GNG12: variants seen among roughly 807,000 people sequenced by gnomAD.
GNG12 encodes guanine nucleotide-binding protein G(I)/G(S)/G(O) subunit gamma-12.
For synonymous variants in GNG12, 28 were observed against 29.7 expected (o/e 0.94, Z 0.19); for missense variants, 69 against 83.8 (o/e 0.82, Z 0.69).
chr1:67,788,710 C>T (rs553669083), intron 1 of GNG12, among the ~76,000 whole-genome samples: 1 of 152,308 alleles, frequency 6.6e-6, no homozygotes, highest in East Asian at 1.9e-4. Context: ...GAGTAGTATA[C>T]ACATTTTCAT....
In GNG12 at chr1:67,816,703, G is replaced by A. The variant is rs546899868; in HGVS notation, c.-77+16641C>T. Among the ~76,000 whole-genome samples, 142 of 152,270 alleles carry A rather than the reference G, an allele frequency of 9.3e-4. 1 individual carries two copies. The highest frequency in any genetic ancestry group is 1.9e-3 in the African/African-American group (80 of 41,548). ...GGCTCTCTCCAGGACTGACTCCTGCGTACTCAGCCGTCCTCCCAGGACAGG... is the reference window on the plus strand; with the variant it reads ...GGCTCTCTCCAGGACTGACTCCTGCATACTCAGCCGTCCTCCCAGGACAGG... On this transcript the variant is annotated intron_variant, in intron 1 of 3. Transcript: ENST00000370982.
intron 2 of GNG12, among the ~76,000 whole-genome samples, chr1:67,738,713 C>CA (rs1460116654): frequency 5.9e-5 from 9 of 152,174 alleles, no homozygotes; most frequent in Admixed American, 3.9e-4. Flanking sequence ...CCTGTCACTA[C>CA]AAAAAATTGA....
At chr1:67,790,672 C>T (rs1270601772) in intron 1 of GNG12, among the ~76,000 whole-genome samples, 1 of 149,852 alleles carries the variant, frequency 6.7e-6, no homozygotes, top group Non-Finnish European at 1.5e-5. Flanking sequence ...TGCAGTGGCA[C>T]TATCTCGGCT....
At chr1:67,793,480 A>G (rs1646812755) in intron 1 of GNG12, among the ~76,000 whole-genome samples, 1 of 152,226 alleles carries the variant, frequency 6.6e-6, no homozygotes, top group African/African-American at 2.4e-5. Flanking sequence ...CCAAAAGAAG[A>G]AAACGGTAGA....
intron 2 of GNG12, among the ~76,000 whole-genome samples, chr1:67,760,272 A>G (rs1342814575): frequency 6.6e-6 from 1 of 152,198 alleles, no homozygotes; most frequent in African/African-American, 2.4e-5. Flanking sequence ...AATCCTGGGC[A>G]ACTCCCTGAG....
At chr1:67,752,431 T>C (rs960815524) in intron 2 of GNG12, among the ~76,000 whole-genome samples, 8 of 152,322 alleles carry the variant, frequency 5.3e-5, no homozygotes, top group African/African-American at 1.7e-4. Context: ...ATGTAGGAGT[T>C]TGGGGTTAAC....
intron 2 of GNG12, among the ~76,000 whole-genome samples, chr1:67,736,900 G>A (rs969090719): frequency 2.0e-5 from 3 of 152,340 alleles, no homozygotes; most frequent in East Asian, 1.9e-4. Flanking sequence ...GTGTGTGCCT[G>A]CTAATGTCCA....
At chr1:67,800,834 C>T (rs1386687418) in intron 1 of GNG12, among the ~76,000 whole-genome samples, 3 of 149,766 alleles carry the variant, frequency 2.0e-5, no homozygotes, top group Non-Finnish European at 3.0e-5. Flanking sequence ...TTAAACTTGA[C>T]CTTGTGAACT....
chr1:67,716,253 G>C (rs1646324760), intron 2 of GNG12, among the ~76,000 whole-genome samples: 1 of 152,154 alleles, frequency 6.6e-6, no homozygotes, highest in African/African-American at 2.4e-5. Flanking sequence ...AACCTCAACA[G>C]AGCTCATTCT....
At chr1:67,716,956 G>A (rs925187066) in intron 2 of GNG12, among the ~76,000 whole-genome samples, 1 of 152,110 alleles carries the variant, frequency 6.6e-6, no homozygotes, top group African/African-American at 2.4e-5. Flanking sequence ...GCCAATCCTC[G>A]GCAATAAATC....
At chr1:67,733,215 GCCCTA>G (rs1646431044) in intron 2 of GNG12, among the ~76,000 whole-genome samples, 1 of 152,106 alleles carries the variant, frequency 6.6e-6, no homozygotes, top group African/African-American at 2.4e-5. Flanking sequence ...ATTTAATCTA[GCCCTA>G]TTTTTGGAGC....
At chr1:67,783,269 G>A (rs181003243) in intron 1 of GNG12, among the ~76,000 whole-genome samples, 1 of 152,270 alleles carries the variant, frequency 6.6e-6, no homozygotes, top group East Asian at 1.9e-4. Flanking sequence ...GTTACTGCCA[G>A]TTTTTATTAT....
chr1:67,754,351 G>T (rs560904546), intron 2 of GNG12, among the ~76,000 whole-genome samples: 144 of 152,236 alleles, frequency 9.5e-4, no homozygotes, highest in African/African-American at 3.3e-3. Flanking sequence ...AGCTCAGGGA[G>T]TGGCACTGTC....
intron 1 of GNG12, among the ~76,000 whole-genome samples, chr1:67,797,985 CTAA>C (rs1200075529): frequency 6.6e-6 from 1 of 152,214 alleles, no homozygotes; most frequent in African/African-American, 2.4e-5. Flanking sequence ...ATCCATCCTA[CTAA>C]TTAAACTAGC....
chr1:67,828,768 G>A (rs1273030746), intron 1 of GNG12, among the ~76,000 whole-genome samples: 10 of 152,190 alleles, frequency 6.6e-5, no homozygotes, highest in African/African-American at 2.4e-4. Context: ...AGGTCTATAT[G>A]CAGATCCTAA....
chr1:67,788,942 C>G (rs545401765), intron 1 of GNG12, among the ~76,000 whole-genome samples: 12 of 152,104 alleles, frequency 7.9e-5, no homozygotes, highest in African/African-American at 2.9e-4. Flanking sequence ...TACAGAACTA[C>G]GAAAAAGAAA....
Position 67,705,466 on chromosome 1 carries a change from A to G in GNG12, c.204T>C (p.Thr68=), listed in dbSNP as rs751663804. The change falls in exon 4 of 4, where the codon ACT becomes ACC. Residue 68 remains threonine (T), a synonymous_variant. Transcript: ENST00000370982. ...CTCTATTCCACTATAAGATGATGCA[A>G]GTTTTTTTATCCTTGAAAGGGTTTT... ...TSENPFKDKK[T]CIIL is the part of the protein sequence containing the mutation. 7.4e-6 allele frequency: 12 copies of G among 1,613,910 alleles called. No homozygotes were observed.
At chr1:67,761,625 G>A (rs1337106031) in intron 2 of GNG12, among the ~76,000 whole-genome samples, 1 of 152,186 alleles carries the variant, frequency 6.6e-6, no homozygotes, top group Non-Finnish European at 1.5e-5. Context: ...GTCAAGTGCA[G>A]GTCGACTTGG....
At chr1:67,762,528 A>G (rs1222522736) in intron 2 of GNG12, among the ~76,000 whole-genome samples, 1 of 152,200 alleles carries the variant, frequency 6.6e-6, no homozygotes, top group African/African-American at 2.4e-5. Flanking sequence ...AAAACAAGAG[A>G]AAAGTTTAAA....
Sources: allele counts gnomAD v4.1 joint callset (sites outside exome capture counted in the v4.1 genomes callset), GRCh38; gene constraint gnomAD v4.1.1; transcripts MANE v1.5; gene names NCBI Gene and HGNC (gene_info 2026-07-23, HGNC 2026-07-21).